ELL: variants seen among roughly 807,000 people sequenced by gnomAD.
ELL encodes RNA polymerase II elongation factor ELL.
Under a neutral mutation model 64.0 loss-of-function variants are expected in ELL, and 18 were observed. The ratio of observed to expected loss-of-function variants is 0.28; its 90% CI spans 0.19 to 0.42. The LOEUF is 0.42. Ranked by LOEUF, ELL falls within the 10% of genes least tolerant of loss-of-function variation. ELL has a pLI of 1.00. For missense variants in ELL, 797 were observed against 870.4 expected, an observed-to-expected ratio of 0.92 and a Z score of 1.06; for synonymous variants, 399 against 376.2, an observed-to-expected ratio of 1.06 and a Z score of -0.70.
In ELL at chr19:18,444,848, C is replaced by T. The variant is rs1974377715; in HGVS notation, c.1770G>A (p.Gln590=). 1 of 1,611,972 alleles carries T rather than the reference C, an allele frequency of 6.2e-7. No homozygotes were observed. The highest frequency in any genetic ancestry group is 1.3e-5 in the African/African-American group (1 of 74,924). The change falls in exon 12 of 12, where the codon CAG becomes CAA. Residue 590 remains glutamine (Q), a synonymous_variant. Coordinates refer to ENST00000262809, the MANE Select transcript of ELL (RefSeq NM_006532.4). ...KIKKTNTNYS[Q]EKHRCEYLHS... is the part of the protein sequence containing the mutation. ...GCAGGTACTCGCAGCGGTGCTTCTC[C>T]TGGCTGTAGTTGGTGTTGGTCTGTG...
At chr19:18,468,429 C>T (rs1215847664) in intron 2 of ELL, among the ~76,000 whole-genome samples, 1 of 152,168 alleles carries the variant, frequency 6.6e-6, no homozygotes, top group Non-Finnish European at 1.5e-5. Flanking sequence ...CCTCCCTTCC[C>T]AGATGTGACT....
At chr19:18,462,372 G>C (rs1434665209) in intron 4 of ELL, among the ~76,000 whole-genome samples, 1 of 54,294 alleles carries the variant, frequency 1.8e-5, no homozygotes, top group African/African-American at 1.8e-4. Context: ...TGTTTGGGCG[G>C]GGGGCGGGGG....
chr19:18,517,864 G>A (rs1976161490), intron 1 of ELL, among the ~76,000 whole-genome samples: 1 of 147,750 alleles, frequency 6.8e-6, no homozygotes, highest in Non-Finnish European at 1.5e-5. Flanking sequence ...TCCAGCCTGG[G>A]TGACAGAGTA....
At chr19:18,512,950 CG>C (rs1221293754) in intron 1 of ELL, among the ~76,000 whole-genome samples, 1 of 152,190 alleles carries the variant, frequency 6.6e-6, no homozygotes, top group East Asian at 1.9e-4. Context: ...AAAAAGGACA[CG>C]GGGCGCAACA....
intron 1 of ELL, among the ~76,000 whole-genome samples, chr19:18,482,148 ATTC>A (rs915677943): frequency 2.6e-5 from 4 of 151,914 alleles, no homozygotes; most frequent in African/African-American, 7.3e-5. Flanking sequence ...CTAATGTGCC[ATTC>A]TTCTAGCTTC....
intron 1 of ELL, among the ~76,000 whole-genome samples, chr19:18,499,787 C>A (rs1423560671): frequency 6.6e-6 from 1 of 152,154 alleles, no homozygotes; most frequent in East Asian, 1.9e-4. Flanking sequence ...CACTGGGGGG[C>A]TCTCTGGGTC....
rs778608559 is a variant in ELL at position 18,446,350 on chromosome 19, C to T, written c.1663G>A (p.Ala555Thr). The T allele has an allele frequency of 1.9e-6, 3 of 1,602,720 alleles. No homozygotes were observed. The highest frequency in any genetic ancestry group is 2.5e-6 in the Non-Finnish European group (3 of 1,176,832). Reference protein sequence around the residue: ...RITRRFTQLDAQLRQLSQGSE... With the variant: ...RITRRFTQLDTQLRQLSQGSE... ...CCCTGGGAGAGCTGCCGGAGCTGGG[C>T]GTCGAGCTGGGTGAACCGCCGCGTG... The change falls in exon 10 of 12, where the codon GCC becomes ACC. Residue 555 changes from alanine to threonine, a missense_variant. Coordinates refer to ENST00000262809, the MANE Select transcript of ELL (RefSeq NM_006532.4).
chr19:18,451,590 G>A lies in ELL; in HGVS notation c.928C>T (p.Pro310Ser). ...GCCGAGCGCCCACGCTCGCCTGGGG[G>A]GCTGGAGGCAGCAGGGTCTCCAAGG... ...SLLGDPAASS[P>S]PGERGRSASP... The change falls in exon 7 of 12, where the codon CCC (proline) becomes TCC (serine). Residue 310 changes from proline (P) to serine (S), a missense_variant. Physicochemically the swap from Pro to Ser is moderately conservative, Grantham distance 74. Coordinates refer to ENST00000262809, the MANE Select transcript of ELL (RefSeq NM_006532.4). 6.7e-7 allele frequency: 1 copy of A among 1,498,502 alleles called. No individual in the cohort carries two copies. Among genetic ancestry groups the A allele is most frequent in the Non-Finnish European group, 8.8e-7 (1 of 1,131,728 alleles). The allele number at this position is 1,498,502 out of a possible 1,614,324, so 92.8% of individuals were successfully genotyped here.
chr19:18,461,794 C>T lies in ELL; in HGVS notation c.528G>A (p.Arg176=), dbSNP rs1974820476. 2 of 1,614,148 alleles carry T rather than the reference C, an allele frequency of 1.2e-6. No individual in the cohort carries two copies. The highest frequency in any genetic ancestry group is 3.3e-5 in the Admixed American group (2 of 60,034). ...APGATDAVPS[R]KRATPINLAS... Reference sequence around the variant, plus strand: ...CCAAGTTGATGGGGGTTGCCCGCTTCCGGGAGGGCACCGCGTCTGTTGCAC... The same window carrying T: ...CCAAGTTGATGGGGGTTGCCCGCTTTCGGGAGGGCACCGCGTCTGTTGCAC... Residue 176 remains arginine (R), a synonymous_variant, in exon 5 of 12, where the codon CGG becomes CGA. Coordinates refer to ENST00000262809, the MANE Select transcript of ELL (RefSeq NM_006532.4).
chr19:18,442,952 C>T lies in ELL; in HGVS notation c.*1800G>A, dbSNP rs1315986051. ...GTCCACCAACCCCCAAAACACAAAA[C>T]TTTTCTTAGCTTCATAATTCCTTAA... On this transcript the variant is annotated 3_prime_UTR_variant, in exon 12 of 12. Transcript: ENST00000262809. 8.6e-6 allele frequency: 2 copies of T among 231,414 alleles called. No individual in the cohort carries two copies. Among genetic ancestry groups the T allele is most frequent in the East Asian group, 6.1e-5 (1 of 16,378 alleles). 14.3% of individuals were successfully genotyped at this position (231,414 alleles called of 1,614,324 possible).
intron 1 of ELL, among the ~76,000 whole-genome samples, chr19:18,506,486 G>T (rs1975887349): frequency 6.6e-6 from 1 of 152,242 alleles, no homozygotes; most frequent in Non-Finnish European, 1.5e-5. Flanking sequence ...CAGCACATTG[G>T]GAGGCCAAGG....
intron 1 of ELL, among the ~76,000 whole-genome samples, chr19:18,474,889 G>A (rs1381154721): frequency 1.3e-5 from 2 of 152,202 alleles, no homozygotes; most frequent in East Asian, 1.9e-4. Context: ...TTGGGAGGCC[G>A]AGGTGGGCAG....
chr19:18,466,006 C>T, intron 2 of ELL, 88 bp from the exon 3 acceptor site: 1 of 1,175,712 alleles, frequency 8.5e-7, no homozygotes, highest in Admixed American at 4.2e-5. Flanking sequence ...CCCCACAGTG[C>T]AACCCTCACA....
intron 6 of ELL, among the ~76,000 whole-genome samples, chr19:18,454,839 T>TAAAAAA (rs1974621465): frequency 2.6e-5 from 1 of 38,186 alleles, no homozygotes; most frequent in African/African-American, 1.6e-4. Flanking sequence ...AGACTCAGTC[T>TAAAAAA]CAAAAAAAAA....
chr19:18,499,248 G>C (rs1202550894), intron 1 of ELL, among the ~76,000 whole-genome samples: 1 of 152,156 alleles, frequency 6.6e-6, no homozygotes, highest in Non-Finnish European at 1.5e-5. Flanking sequence ...CTTCTATCTT[G>C]GGGCCCAAGA....
At chr19:18,506,563 T>C (rs559944470) in intron 1 of ELL, among the ~76,000 whole-genome samples, 39 of 152,248 alleles carry the variant, frequency 2.6e-4, no homozygotes, top group Non-Finnish European at 5.0e-4. Flanking sequence ...TCTGTCTCCA[T>C]ATAAATAAAA....
intron 8 of ELL, among the ~76,000 whole-genome samples, chr19:18,447,991 G>GC (rs1974452149): frequency 6.6e-6 from 1 of 151,832 alleles, no homozygotes; most frequent in Non-Finnish European, 1.5e-5. Flanking sequence ...TCACTGTGTT[G>GC]CCCAGGCTGG....
intron 1 of ELL, among the ~76,000 whole-genome samples, chr19:18,502,806 G>A (rs545098190): frequency 1.4e-4 from 21 of 152,372 alleles, no homozygotes; most frequent in African/African-American, 4.8e-4. Context: ...TTTTGCTTCT[G>A]AGACAACTTA....
At position 18,522,069 on chromosome 19, in the gene ELL, C is replaced by CT; in HGVS notation, c.-15dup. On this transcript the variant is annotated 5_prime_UTR_variant, in exon 1 of 12. Coordinates refer to ENST00000262809, the MANE Select transcript of ELL (RefSeq NM_006532.4). ...CAGCGCCGCCATCTTGCGACCATCT[C>CT]TCCCCCGCGCCCCCTTCCCGGCTCC... 6.3e-7 allele frequency: 1 copy of CT among 1,590,488 alleles called. No individual in the cohort carries two copies. The highest frequency in any genetic ancestry group is 8.6e-7 in the Non-Finnish European group (1 of 1,166,738).
Sources: allele counts gnomAD v4.1 joint callset (sites outside exome capture counted in the v4.1 genomes callset), GRCh38; gene constraint gnomAD v4.1.1; transcripts MANE v1.5; gene names NCBI Gene and HGNC (gene_info 2026-07-23, HGNC 2026-07-21).